The following CIMAP2 variants were observed in gnomAD, a reference collection of about 807,000 sequenced individuals.
CIMAP2 encodes ciliary microtubule associated protein 2, also known as ciliary microtubule-associated protein 2.
the CIMAP2 span, chr1:54,806,076 T>C: frequency 1.3e-6 from 2 of 1,484,576 alleles, no homozygotes; most frequent in Non-Finnish European, 1.8e-6. Context: ...AGGCCCGGGT[T>C]GCCGTGGCAG....
the CIMAP2 span, among the ~76,000 whole-genome samples, chr1:54,821,220 T>C: frequency 2.8e-4 from 16 of 57,658 alleles, no homozygotes; most frequent in Non-Finnish European, 4.3e-4. Flanking sequence ...TGTGCAAAAG[T>C]TTTTAGTTTA....
the CIMAP2 span, chr1:54,811,765 G>GCCGGGGGGGGGCCCCCCCCCCCCC: frequency 1.7e-5 from 22 of 1,301,292 alleles, no homozygotes; most frequent in East Asian, 2.5e-5. Context: ...GGTTCTGACA[G>GCCGGGGGGGGGCCCCCCCCCCCCC]CCTCCATGCC....
chr1:54,829,951 G>A, the CIMAP2 span, among the ~76,000 whole-genome samples: 1 of 151,768 alleles, frequency 6.6e-6, no homozygotes, highest in Non-Finnish European at 1.5e-5. Context: ...TCGAATGTCT[G>A]GTGATGCTTG....
At chr1:54,830,768 A>G in the CIMAP2 span, among the ~76,000 whole-genome samples, 12 of 152,180 alleles carry the variant, frequency 7.9e-5, no homozygotes. This position sits in a 1 kb window ranked among gnomAD's most constrained non-coding sequence, Gnocchi z 4.1. Context: ...TAGTGCTGCC[A>G]ATTCCTTAGT....
At chr1:54,841,140 T>TA in the CIMAP2 span, among the ~76,000 whole-genome samples, 1 of 152,192 alleles carries the variant, frequency 6.6e-6, no homozygotes, top group African/African-American at 2.4e-5. Context: ...AAATATTTGT[T>TA]AAGCATGGGT....
At chr1:54,829,500 C>A in the CIMAP2 span, among the ~76,000 whole-genome samples, 203 of 152,278 alleles carry the variant, frequency 1.3e-3, 2 homozygotes, top group South Asian at 3.1e-3. Context: ...TGCCAGGAGG[C>A]ACAGAAGATC....
chr1:54,840,105 A>G, the CIMAP2 span, among the ~76,000 whole-genome samples: 1 of 152,124 alleles, frequency 6.6e-6, no homozygotes, highest in African/African-American at 2.4e-5. Context: ...ACCTCAGGCA[A>G]GATATAGAAT....
chr1:54,815,074 TCTCTCC>T, the CIMAP2 span: 1 of 1,611,316 alleles, frequency 6.2e-7, no homozygotes, highest in Non-Finnish European at 8.5e-7. Flanking sequence ...ACATGGGAAC[TCTCTCC>T]TGCCTCTACA....
the CIMAP2 span, among the ~76,000 whole-genome samples, chr1:54,836,297 CTG>C: frequency 0.06 from 11 of 182 alleles, no homozygotes; most frequent in Admixed American, 0.25. Flanking sequence ...GCCTGCCTGC[CTG>C]CCTGCCTGCC....
chr1:54,841,994 A>C, the CIMAP2 span: 1 of 1,000,170 alleles, frequency 1.0e-6, no homozygotes, highest in Non-Finnish European at 1.5e-6. Context: ...TGGGCTTGGG[A>C]GAGGGGAGAG....
At chr1:54,808,616 G>GGGGGT in the CIMAP2 span, among the ~76,000 whole-genome samples, 4 of 139,556 alleles carry the variant, frequency 2.9e-5, 1 homozygote, top group Non-Finnish European at 6.3e-5. Flanking sequence ...TGCTGCCGGG[G>GGGGGT]GAGGGCAGTG....
At chr1:54,821,156 C>A in the CIMAP2 span, among the ~76,000 whole-genome samples, 4 of 152,120 alleles carry the variant, frequency 2.6e-5, no homozygotes, top group African/African-American at 9.7e-5. Context: ...GAATAGTTTG[C>A]AAACATTTTC....
At chr1:54,817,260 G>A in the CIMAP2 span, 1 of 1,194,550 alleles carries the variant, frequency 8.4e-7, no homozygotes, top group African/African-American at 1.5e-5. Context: ...AGCAGAGGCA[G>A]TGGAGGGACG....
chr1:54,811,766 C>CGGCGGGGGGG, the CIMAP2 span: 2 of 1,305,190 alleles, frequency 1.5e-6, no homozygotes, highest in Non-Finnish European at 2.2e-6. Flanking sequence ...GTTCTGACAG[C>CGGCGGGGGGG]CTCCATGCCC....
chr1:54,810,198 C>T, the CIMAP2 span, among the ~76,000 whole-genome samples: 5 of 152,194 alleles, frequency 3.3e-5, no homozygotes, highest in African/African-American at 9.7e-5. Flanking sequence ...TGCCAACCCA[C>T]CCCGGTGCCT....
chr1:54,834,055 C>T, the CIMAP2 span, among the ~76,000 whole-genome samples: 1 of 152,164 alleles, frequency 6.6e-6, no homozygotes, highest in African/African-American at 2.4e-5. Flanking sequence ...CCAGGCTGGT[C>T]TCAAACTCCT....
At chr1:54,809,781 C>T in the CIMAP2 span, among the ~76,000 whole-genome samples, 1 of 152,140 alleles carries the variant, frequency 6.6e-6, no homozygotes, top group South Asian at 2.1e-4. Flanking sequence ...ACAAGCCTGA[C>T]TCTGTTTCCT....
chr1:54,821,686 T>C, the CIMAP2 span, among the ~76,000 whole-genome samples: 1 of 152,138 alleles, frequency 6.6e-6, no homozygotes, highest in Admixed American at 6.6e-5. Context: ...TCTTGATTTC[T>C]TTTTCAGCTA....
chr1:54,808,102 A>T, the CIMAP2 span: 11 of 1,389,386 alleles, frequency 7.9e-6, no homozygotes, highest in South Asian at 1.5e-4. Context: ...CCATCCAGCC[A>T]GCCAGCCAGG....
Sources: gnomAD v4.1 joint callset for allele counts (sites outside exome capture counted in the v4.1 genomes callset) on GRCh38, gnomAD v4.1.1 for gene constraint, Gnocchi (gnomAD v3.1) non-coding constraint, MANE v1.5 for transcripts, NCBI Gene and HGNC (gene_info 2026-07-23, HGNC 2026-07-21) for gene names.